Variants in DYRK1A observed in about 807,000 individuals in gnomAD.
DYRK1A encodes dual specificity tyrosine phosphorylation regulated kinase 1A.
In DYRK1A, 9 loss-of-function variants were observed where a neutral mutation model predicts 79.7. The ratio of observed to expected loss-of-function variants is 0.11; its 90% CI spans 0.07 to 0.20. DYRK1A has a LOEUF of 0.20. Ranked by LOEUF, DYRK1A falls within the 10% of genes least tolerant of loss-of-function variation. The pLI is 1.00. For missense variants in DYRK1A, 622 were observed against 956.0 expected (o/e 0.65, Z 4.61); for synonymous variants, 349 against 329.7 (o/e 1.06, Z -0.63).
At chr21:37,482,961 C>T (rs1384390031) in intron 5 of DYRK1A, among the ~76,000 whole-genome samples, 1 of 152,138 alleles carries the variant, frequency 6.6e-6, no homozygotes, top group African/African-American at 2.4e-5. Flanking sequence ...TGCTGTTATC[C>T]TGTTCTTTTT....
At chr21:37,460,251 C>T (rs2051794892) in intron 2 of DYRK1A, among the ~76,000 whole-genome samples, 1 of 151,928 alleles carries the variant, frequency 6.6e-6, no homozygotes, top group East Asian at 1.9e-4. Context: ...TCTTTTGTTT[C>T]CTGTTGACAT....
intron 2 of DYRK1A, among the ~76,000 whole-genome samples, chr21:37,450,567 C>G (rs537047505): frequency 6.6e-6 from 1 of 152,128 alleles, no homozygotes; most frequent in African/African-American, 2.4e-5. Context: ...ACACCCTTGC[C>G]TTCCTATATT....
At chr21:37,455,038 T>C (rs981063425) in intron 2 of DYRK1A, among the ~76,000 whole-genome samples, 12 of 150,296 alleles carry the variant, frequency 8.0e-5, no homozygotes, top group South Asian at 4.2e-4. Context: ...TTTTTTTTTT[T>C]CGTGCCCCAG....
intron 2 of DYRK1A, among the ~76,000 whole-genome samples, chr21:37,423,204 A>G (rs2050524000): frequency 6.6e-6 from 1 of 152,100 alleles, no homozygotes; most frequent in Non-Finnish European, 1.5e-5. Context: ...ATTGACAGTA[A>G]TGGCTTTACC....
chr21:37,509,166 T>G (rs2053682198), intron 11 of DYRK1A, among the ~76,000 whole-genome samples: 1 of 152,222 alleles, frequency 6.6e-6, no homozygotes, highest in Non-Finnish European at 1.5e-5. Context: ...AAACCAGTGT[T>G]ATTAGTTTAT....
intron 5 of DYRK1A, chr21:37,481,642 C>T (rs2052644893): frequency 6.6e-6 from 1 of 152,230 alleles, no homozygotes; most frequent in Non-Finnish European, 1.5e-5. Context: ...GTAATCCGCT[C>T]ACCTTGGCCT....
At chr21:37,470,552 TA>T (rs1292302472) in intron 2 of DYRK1A, among the ~76,000 whole-genome samples, 10 of 152,240 alleles carry the variant, frequency 6.6e-5, no homozygotes, top group Non-Finnish European at 5.9e-5. Flanking sequence ...ATAGGGAATC[TA>T]AGGCTTTGAA....
chr21:37,419,253 T>A (rs1187711771), intron 1 of DYRK1A: 1 of 152,156 alleles, frequency 6.6e-6, no homozygotes, highest in African/African-American at 2.4e-5. Flanking sequence ...GTATAGTAAT[T>A]TAGGAGTGTA....
intron 1 of DYRK1A, among the ~76,000 whole-genome samples, chr21:37,395,632 A>G (rs1206929463): frequency 6.6e-6 from 1 of 152,206 alleles, no homozygotes; most frequent in African/African-American, 2.4e-5. Flanking sequence ...ATAATCCTAT[A>G]AGAATTACTC....
chr21:37,477,090 C>T (rs1439613394), intron 3 of DYRK1A, among the ~76,000 whole-genome samples: 4 of 152,114 alleles, frequency 2.6e-5, no homozygotes, highest in Non-Finnish European at 4.4e-5. Context: ...ACAAACCTCC[C>T]CTCTTCTCTT....
chr21:37,522,972 C>T lies in DYRK1A; in HGVS notation c.*10441C>T, dbSNP rs1371652565. ...TGACGCTCCACAGTGTGTGCTTCCC[C>T]ATGTGGCTTCCACAGTCCCCTCTTG... On this transcript the variant is annotated 3_prime_UTR_variant, in exon 12 of 12. Transcript: ENST00000647188. 1 of 152,384 alleles carries T rather than the reference C, an allele frequency of 6.6e-6. No homozygotes were observed. The highest frequency in any genetic ancestry group is 1.5e-5 in the Non-Finnish European group (1 of 68,166). The allele number at this position is 152,384 out of a possible 1,614,324, so 9.4% of individuals were successfully genotyped here. A position where few individuals can be genotyped will look rare whatever the true frequency, so the allele number is the denominator to read the frequency against.
At chr21:37,466,823 A>T (rs1326408931) in intron 2 of DYRK1A, among the ~76,000 whole-genome samples, 1 of 152,182 alleles carries the variant, frequency 6.6e-6, no homozygotes, top group African/African-American at 2.4e-5. Context: ...TACCTATATA[A>T]GACAGCATAC....
At chr21:37,429,098 T>A (rs996169736) in intron 2 of DYRK1A, among the ~76,000 whole-genome samples, 10 of 152,182 alleles carry the variant, frequency 6.6e-5, no homozygotes, top group African/African-American at 2.4e-4. Context: ...CACAAATAAG[T>A]TAATTTTAAT....
chr21:37,411,590 A>G (rs1373672092), intron 1 of DYRK1A, among the ~76,000 whole-genome samples: 1 of 152,194 alleles, frequency 6.6e-6, no homozygotes, highest in Admixed American at 6.5e-5. Context: ...GACATTAACA[A>G]ATGTCATATG....
At chr21:37,509,261 A>G (rs968568182) in intron 11 of DYRK1A, among the ~76,000 whole-genome samples, 2 of 152,236 alleles carry the variant, frequency 1.3e-5, no homozygotes, top group African/African-American at 4.8e-5. Context: ...TTGTACACAA[A>G]TAGTACCATA....
intron 9 of DYRK1A, among the ~76,000 whole-genome samples, chr21:37,497,246 T>C (rs1417641699): frequency 6.6e-6 from 1 of 152,234 alleles, no homozygotes; most frequent in Non-Finnish European, 1.5e-5. Flanking sequence ...TAACTTTTAA[T>C]ATCAGATGAT....
At position 37,515,546 on chromosome 21, in the gene DYRK1A, T is replaced by C. The variant is rs1168755916; in HGVS notation, c.*3015T>C. 1 of 152,246 alleles carries C rather than the reference T, an allele frequency of 6.6e-6. No homozygotes were observed. Among genetic ancestry groups the C allele is most frequent in the Non-Finnish European group, 1.5e-5 (1 of 68,040 alleles). 9.4% of individuals were successfully genotyped at this position (152,246 alleles called of 1,614,324 possible). A position where few individuals can be genotyped will look rare whatever the true frequency, so the allele number is the denominator to read the frequency against. On this transcript the variant is annotated 3_prime_UTR_variant, in exon 12 of 12. Coordinates refer to ENST00000647188, the MANE Select transcript of DYRK1A (RefSeq NM_001347721.2). ...AAGGAAGGAATACGAATACTCATTC[T>C]TCCTTCCCTAACTCCTCGTACGGGG...
chr21:37,422,556 C>T (rs918047773), intron 2 of DYRK1A, among the ~76,000 whole-genome samples: 4 of 152,088 alleles, frequency 2.6e-5, no homozygotes, highest in African/African-American at 9.7e-5. Context: ...GTAACTTACT[C>T]TCATCTTTTC....
chr21:37,463,190 TTTA>T, intron 2 of DYRK1A, among the ~76,000 whole-genome samples: 1 of 106,626 alleles, frequency 9.4e-6, no homozygotes, highest in South Asian at 3.2e-4. Context: ...TGTGTGTGTG[TTTA>T]ATGTTGGCAC....
Sources: allele counts gnomAD v4.1 joint callset (sites outside exome capture counted in the v4.1 genomes callset), GRCh38; gene constraint gnomAD v4.1.1; transcripts MANE v1.5; gene names NCBI Gene and HGNC (gene_info 2026-07-23, HGNC 2026-07-21).